SRGAP1: variants seen among roughly 807,000 people sequenced by gnomAD.
SRGAP1 encodes the protein SLIT-ROBO Rho GTPase activating protein 1.
SRGAP1 carries 43 observed loss-of-function variants against 121.9 expected under a neutral mutation model. That is an observed-to-expected ratio of 0.35 (90% CI 0.28 to 0.46). The LOEUF is 0.46. Among genes scored for constraint, SRGAP1 ranks in the 20% least tolerant of loss-of-function variants. The probability of loss-of-function intolerance (pLI) is 1.00; values close to 1 mark genes in which losing one functional copy is unlikely to be tolerated. For synonymous variants in SRGAP1, 447 were observed against 485.4 expected (o/e 0.92, Z 1.04); for missense variants, 1,102 against 1,350.9 (o/e 0.82, Z 2.89).
At chr12:63,944,275 A>G (rs1234155310) in intron 1 of SRGAP1, among the ~76,000 whole-genome samples, 3 of 152,230 alleles carry the variant, frequency 2.0e-5, no homozygotes, top group African/African-American at 7.2e-5. Flanking sequence ...CTGCTATGAC[A>G]AACTACCATA....
chr12:64,015,324 G>C (rs1418669325), intron 3 of SRGAP1, among the ~76,000 whole-genome samples: 1 of 152,040 alleles, frequency 6.6e-6, no homozygotes, highest in Non-Finnish European at 1.5e-5. Context: ...AATAAAATGA[G>C]TTTCAGTTGA....
At chr12:63,955,843 CT>C (rs2032447336) in intron 1 of SRGAP1, among the ~76,000 whole-genome samples, 1 of 152,014 alleles carries the variant, frequency 6.6e-6, no homozygotes, top group African/African-American at 2.4e-5. Flanking sequence ...AAATTCTTTT[CT>C]TTTAATGACT....
chr12:64,045,453 T>G (rs927224295), intron 6 of SRGAP1, among the ~76,000 whole-genome samples: 1 of 151,722 alleles, frequency 6.6e-6, no homozygotes, highest in Non-Finnish European at 1.5e-5. Context: ...TTTTTTTTTC[T>G]GAGATGGAGT....
At chr12:64,049,515 C>A (rs1565656723) in intron 6 of SRGAP1, among the ~76,000 whole-genome samples, 1 of 152,176 alleles carries the variant, frequency 6.6e-6, no homozygotes, top group South Asian at 2.1e-4. Flanking sequence ...TTCAGTATCA[C>A]AAGAATAGCA....
At chr12:63,994,290 A>G (rs1431679883) in intron 3 of SRGAP1, among the ~76,000 whole-genome samples, 1 of 152,204 alleles carries the variant, frequency 6.6e-6, no homozygotes. Flanking sequence ...CAAATATTAT[A>G]CCAAATGTGT....
chr12:63,934,938 T>C (rs930399652), intron 1 of SRGAP1, among the ~76,000 whole-genome samples: 1 of 152,188 alleles, frequency 6.6e-6, no homozygotes, highest in African/African-American at 2.4e-5. Context: ...GTTTAATTAG[T>C]GGAGATGGAG....
intron 3 of SRGAP1, among the ~76,000 whole-genome samples, chr12:63,995,705 A>G (rs2033678671): frequency 6.6e-6 from 1 of 152,178 alleles, no homozygotes; most frequent in Non-Finnish European, 1.5e-5. Flanking sequence ...CCTCTTTGGC[A>G]TAAGTCCCAT....
At chr12:64,000,239 GGTGTGTGTGTGTGTGT>G (rs58289093) in intron 3 of SRGAP1, among the ~76,000 whole-genome samples, 8 of 131,526 alleles carry the variant, frequency 6.1e-5, no homozygotes, top group African/African-American at 2.0e-4. Context: ...GAAAGGTAGG[GGTGTGTGTGTGTGTGT>G]GTGTGTGTGT....
intron 15 of SRGAP1, among the ~76,000 whole-genome samples, chr12:64,100,405 G>GA (rs769716223): frequency 3.9e-5 from 6 of 152,072 alleles, no homozygotes; most frequent in Non-Finnish European, 5.9e-5. Context: ...AAACTACAAG[G>GA]AAAAAATCTA....
chr12:64,023,949 T>C (rs1036662857), intron 4 of SRGAP1, among the ~76,000 whole-genome samples: 4 of 152,178 alleles, frequency 2.6e-5, no homozygotes, highest in Non-Finnish European at 2.9e-5. Context: ...AGTTCCTCAC[T>C]GGGCAGCTGC....
intron 1 of SRGAP1, among the ~76,000 whole-genome samples, chr12:63,913,767 A>C (rs1020213293): frequency 2.0e-5 from 3 of 151,980 alleles, no homozygotes; most frequent in African/African-American, 7.2e-5. Context: ...AATTGAAGGT[A>C]AGCATTTAGA....
At chr12:64,079,236 C>A in intron 9 of SRGAP1, 120 bp downstream of exon 9, 1 of 1,021,452 alleles carries the variant, frequency 9.8e-7, no homozygotes. Context: ...CTCCTGTCTA[C>A]CATCAGAGTT....
At chr12:64,133,771 T>C (rs112717462) in intron 21 of SRGAP1, among the ~76,000 whole-genome samples, 3,253 of 152,286 alleles carry the variant, frequency 0.021, 135 homozygotes, top group African/African-American at 0.074. Context: ...TTCAAATTAG[T>C]CTTTTGTCCA....
chr12:63,883,449 T>C (rs1303388167), intron 1 of SRGAP1, among the ~76,000 whole-genome samples: 2 of 152,204 alleles, frequency 1.3e-5, no homozygotes, highest in Non-Finnish European at 2.9e-5. Context: ...TCATAGCAAA[T>C]GTTCTTGTTG....
At chr12:63,948,674 A>G (rs1174354375) in intron 1 of SRGAP1, among the ~76,000 whole-genome samples, 1 of 151,556 alleles carries the variant, frequency 6.6e-6, no homozygotes, top group Non-Finnish European at 1.5e-5. Flanking sequence ...CCTTCCTGGT[A>G]TAGTGCCTTG....
At chr12:63,919,532 A>T (rs1325702964) in intron 1 of SRGAP1, among the ~76,000 whole-genome samples, 2 of 150,798 alleles carry the variant, frequency 1.3e-5, no homozygotes, top group Non-Finnish European at 2.9e-5. Context: ...ACACATACAC[A>T]CACACACAAC....
At chr12:64,084,824 A>G (rs890490296) in intron 10 of SRGAP1, among the ~76,000 whole-genome samples, 4 of 152,140 alleles carry the variant, frequency 2.6e-5, no homozygotes, top group African/African-American at 7.2e-5. Flanking sequence ...CATTGGCATC[A>G]TTATTGAATC....
chr12:64,087,330 G>A (rs2035965022), intron 11 of SRGAP1, among the ~76,000 whole-genome samples: 1 of 151,970 alleles, frequency 6.6e-6, no homozygotes, highest in Non-Finnish European at 1.5e-5. Flanking sequence ...TAGCGTGACA[G>A]GACTTTTGAT....
chr12:63,905,114 AGTTCCTAATCAGAAAT>A (rs1409232720), intron 1 of SRGAP1, among the ~76,000 whole-genome samples: 2 of 152,238 alleles, frequency 1.3e-5, no homozygotes, highest in Non-Finnish European at 2.9e-5. Context: ...AAATAGTTAT[AGTTCCTAATCAGAAAT>A]GTCCGAGGGC....
Sources: allele counts gnomAD v4.1 joint callset (sites outside exome capture counted in the v4.1 genomes callset), GRCh38; gene constraint gnomAD v4.1.1; transcripts MANE v1.5; gene names NCBI Gene and HGNC (gene_info 2026-07-23, HGNC 2026-07-21).